AUTS2: variants seen among roughly 807,000 people sequenced by gnomAD.
The protein encoded by AUTS2 is autism susceptibility gene 2 protein.
A neutral mutation model predicts 112.4 loss-of-function variants in AUTS2; 17 were observed. The observed-to-expected ratio is 0.15, with a 90% CI of 0.10 to 0.23. AUTS2 has a LOEUF of 0.23. Among genes scored for constraint, AUTS2 ranks in the 10% least tolerant of loss-of-function variants. The probability of loss-of-function intolerance (pLI) is 1.00; values close to 1 mark genes in which losing one functional copy is unlikely to be tolerated. For missense variants in AUTS2, 1,510 were observed against 1,701.6 expected (o/e 0.89, Z 1.98); for synonymous variants, 751 against 702.7 (o/e 1.07, Z -1.09).
At position 70,774,011 on chromosome 7, in the gene AUTS2, G is replaced by A. The variant is rs532144979; in HGVS notation, c.1831-17G>A. The A allele has an allele frequency of 3.8e-5, 62 of 1,613,680 alleles. No homozygotes were observed. Among genetic ancestry groups the A allele is most frequent in the East Asian group, 1.6e-4 (7 of 44,884 alleles). On this transcript the variant is annotated splice_polypyrimidine_tract_variant and intron_variant, in intron 11 of 18. Transcript: ENST00000342771. ...TTTTGTGCTTCCTAAGTAAGCTGTG[G>A]TCTAATTAATTTGTAGACATCCAAC...
chr7:69,917,887 G>C (rs1407485279), intron 2 of AUTS2, among the ~76,000 whole-genome samples: 1 of 151,946 alleles, frequency 6.6e-6, no homozygotes, highest in African/African-American at 2.4e-5. Flanking sequence ...CTGTCGCCCA[G>C]GCTGGAGTGC....
chr7:70,107,126 G>A (rs1480903038), intron 2 of AUTS2, among the ~76,000 whole-genome samples: 29 of 151,974 alleles, frequency 1.9e-4, no homozygotes, highest in Admixed American at 1.8e-3. Context: ...CTGTAATTAT[G>A]CAACTTTTTC....
At chr7:69,926,669 G>A (rs1275867895) in intron 2 of AUTS2, among the ~76,000 whole-genome samples, 2 of 150,496 alleles carry the variant, frequency 1.3e-5, no homozygotes, top group Non-Finnish European at 3.0e-5. Flanking sequence ...AATGAATAAA[G>A]TATTTAAGAT....
At chr7:69,798,472 G>C (rs1789944743) in intron 1 of AUTS2, among the ~76,000 whole-genome samples, 1 of 151,858 alleles carries the variant, frequency 6.6e-6, no homozygotes, top group Non-Finnish European at 1.5e-5. Flanking sequence ...TTTATTTCTA[G>C]GCAAAAGTAC....
intron 5 of AUTS2, among the ~76,000 whole-genome samples, chr7:70,612,515 ATCTAGTATTGTCCT>A (rs1804148076): frequency 6.6e-6 from 1 of 151,940 alleles, no homozygotes; most frequent in Non-Finnish European, 1.5e-5. Flanking sequence ...CCTGGAGATG[ATCTAGTATTGTCCT>A]TCAAGTTGAG....
Position 70,766,050 on chromosome 7 carries a change from A to G in AUTS2, c.1469-64A>G. On this transcript the variant is annotated intron_variant, in intron 8 of 18. Coordinates refer to ENST00000342771, the MANE Select transcript of AUTS2 (RefSeq NM_015570.4). This position sits in a 1 kb window ranked among gnomAD's most constrained non-coding sequence, Gnocchi z 4.8. Reference sequence around the variant, plus strand: ...CACCAGCCCCGTACCCCTCCACAGGAAGGCAGTCCGATGTCCTTTTCTGAA... The same window carrying G: ...CACCAGCCCCGTACCCCTCCACAGGGAGGCAGTCCGATGTCCTTTTCTGAA... The G allele has an allele frequency of 6.4e-7, 1 of 1,572,716 alleles. No homozygotes were observed. The highest frequency in any genetic ancestry group is 8.6e-7 in the Non-Finnish European group (1 of 1,156,182).
chr7:70,026,297 C>T (rs1386021757), intron 2 of AUTS2, among the ~76,000 whole-genome samples: 2 of 152,216 alleles, frequency 1.3e-5, no homozygotes, highest in Non-Finnish European at 2.9e-5. Flanking sequence ...CTTCTACCTT[C>T]CCTTGCCTAG....
chr7:70,367,087 C>T (rs1792605993), intron 4 of AUTS2, among the ~76,000 whole-genome samples: 2 of 152,046 alleles, frequency 1.3e-5, no homozygotes, highest in Non-Finnish European at 2.9e-5. Context: ...GAGTTTTAGA[C>T]CAGCCTCACC....
intron 2 of AUTS2, among the ~76,000 whole-genome samples, chr7:70,053,551 T>TTTTTG (rs1801856749): frequency 6.7e-6 from 1 of 150,234 alleles, no homozygotes; most frequent in Admixed American, 6.6e-5. Context: ...GTGGTTTTTT[T>TTTTTG]TTTTTGGAGA....
chr7:69,773,506 T>A (rs116147994), intron 1 of AUTS2, among the ~76,000 whole-genome samples: 16,494 of 148,702 alleles, frequency 0.11, 1,520 homozygotes, highest in African/African-American at 0.25. Flanking sequence ...TCCCCAAGCC[T>A]TTGGCTTGGG....
intron 5 of AUTS2, among the ~76,000 whole-genome samples, chr7:70,610,423 CTTTTTTTTT>C (rs3054735): frequency 0.038 from 2,914 of 77,516 alleles, 129 homozygotes; most frequent in African/African-American, 0.098. Flanking sequence ...TAGCGCTCAT[CTTTTTTTTT>C]TTTTTTTTTT....
chr7:70,553,835 C>T (rs1300819306), intron 5 of AUTS2, among the ~76,000 whole-genome samples: 1 of 124,612 alleles, frequency 8.0e-6, no homozygotes, highest in Non-Finnish European at 1.6e-5. Flanking sequence ...GGTGCGATTT[C>T]GGCTCACTGC....
At chr7:69,849,066 C>T (rs994514111) in intron 1 of AUTS2, among the ~76,000 whole-genome samples, 5 of 152,100 alleles carry the variant, frequency 3.3e-5, no homozygotes, top group Non-Finnish European at 7.4e-5. Context: ...CCTGTAGTCC[C>T]AGCTACTGGG....
chr7:70,456,571 T>A (rs538635561), intron 5 of AUTS2, among the ~76,000 whole-genome samples: 11 of 152,286 alleles, frequency 7.2e-5, no homozygotes, highest in African/African-American at 2.6e-4. Context: ...CTAGCAGGGC[T>A]GCACTGTGAC....
In AUTS2 at chr7:70,525,545, C is replaced by A. The variant is rs1333841704; in HGVS notation, c.690+89764C>A. On this transcript the variant is annotated intron_variant, in intron 5 of 18. Transcript: ENST00000342771. ...ATACCAGCTGATGTGCTCAAGATGACTTTAGGGTGAATATGGAGGAAGGAG... is the reference window on the plus strand; with the variant it reads ...ATACCAGCTGATGTGCTCAAGATGAATTTAGGGTGAATATGGAGGAAGGAG... Among the ~76,000 whole-genome samples, 3 of 152,074 alleles carry A rather than the reference C, an allele frequency of 2.0e-5. No homozygotes were observed. In the East Asian group the frequency reaches 5.8e-4, roughly 29 times the overall value.
At chr7:70,209,581 A>C (rs1472852498) in intron 4 of AUTS2, among the ~76,000 whole-genome samples, 1 of 152,150 alleles carries the variant, frequency 6.6e-6, no homozygotes, top group Non-Finnish European at 1.5e-5. Context: ...CCTGATAAGG[A>C]AGAAGACCCA....
At chr7:70,696,031 T>TTAA (rs1554463971) in intron 5 of AUTS2, among the ~76,000 whole-genome samples, 2 of 152,068 alleles carry the variant, frequency 1.3e-5, no homozygotes, top group South Asian at 2.1e-4. Flanking sequence ...TAATTTTTTT[T>TTAA]AAAAAGCCAG....
chr7:70,785,212 C>T (rs566478345), intron 16 of AUTS2, among the ~76,000 whole-genome samples, 193 bp downstream of exon 16: 13 of 152,220 alleles, frequency 8.5e-5, no homozygotes, highest in Non-Finnish European at 1.8e-4. Context: ...TCTCTTACAC[C>T]GCATTCTTTC....
At chr7:70,660,173 T>C (rs1230484479) in intron 5 of AUTS2, among the ~76,000 whole-genome samples, 1 of 147,708 alleles carries the variant, frequency 6.8e-6, no homozygotes, top group Non-Finnish European at 1.5e-5. Context: ...TGAGACTCTG[T>C]CTCAAAAAAA....
Sources: gnomAD v4.1 joint callset for allele counts (sites outside exome capture counted in the v4.1 genomes callset) on GRCh38, gnomAD v4.1.1 for gene constraint, Gnocchi (gnomAD v3.1) non-coding constraint, MANE v1.5 for transcripts, NCBI Gene and HGNC (gene_info 2026-07-23, HGNC 2026-07-21) for gene names.